RASAL2: variants seen among roughly 807,000 people sequenced by gnomAD.
The protein encoded by RASAL2 is ras GTPase-activating protein nGAP.
A neutral mutation model predicts 128.9 loss-of-function variants in RASAL2; 58 were observed. The ratio of observed to expected loss-of-function variants is 0.45; its 90% CI spans 0.36 to 0.56. RASAL2 has a LOEUF of 0.56. RASAL2 is among the 20% of genes least tolerant of loss of function. RASAL2 has a pLI of 0.00. For missense variants in RASAL2, 1,360 were observed against 1,601.6 expected (o/e 0.85, Z 2.57); for synonymous variants, 561 against 580.8 (o/e 0.97, Z 0.49).
intron 3 of RASAL2, among the ~76,000 whole-genome samples, chr1:178,355,306 A>G (rs1288673945): frequency 2.0e-5 from 3 of 152,244 alleles, no homozygotes; most frequent in Non-Finnish European, 4.4e-5. Flanking sequence ...AACAGAATAA[A>G]GAGTCCAAAA....
chr1:178,194,465 A>C, intron 1 of RASAL2: 1 of 202,634 alleles, frequency 4.9e-6, no homozygotes, highest in Non-Finnish European at 1.1e-5. Flanking sequence ...TGCCTCTGGA[A>C]GTACAGGAGA....
intron 3 of RASAL2, among the ~76,000 whole-genome samples, chr1:178,311,856 G>C (rs2102304867): frequency 6.6e-6 from 1 of 151,976 alleles, no homozygotes; most frequent in African/African-American, 2.4e-5. Flanking sequence ...AAGAAAAAAG[G>C]GAAAAAACAA....
At chr1:178,205,351 C>T (rs1470599808) in intron 1 of RASAL2, among the ~76,000 whole-genome samples, 1 of 152,118 alleles carries the variant, frequency 6.6e-6, no homozygotes, top group African/African-American at 2.4e-5. Flanking sequence ...AATTAACAGG[C>T]TATACCAGAT....
At chr1:178,344,477 A>G (rs1162327592) in intron 3 of RASAL2, among the ~76,000 whole-genome samples, 1 of 152,208 alleles carries the variant, frequency 6.6e-6, no homozygotes, top group East Asian at 1.9e-4. Context: ...AAAGTTACCC[A>G]GTTATCCACC....
At position 178,456,760 on chromosome 1, in the gene RASAL2, G is replaced by T; in HGVS notation, c.2251G>T (p.Ala751Ser). 1 of 1,614,060 alleles carries T rather than the reference G, an allele frequency of 6.2e-7. No individual in the cohort carries two copies. The highest frequency in any genetic ancestry group is 8.5e-7 in the Non-Finnish European group (1 of 1,180,000). Residue 751 changes from alanine to serine, a missense_variant, in exon 13 of 18, where the codon GCT becomes TCT. Around this residue, in one of 3 missense-constraint regions of RASAL2, gnomAD observed 741 missense variants for 868.6 expected, o/e 0.85. Transcript: ENST00000367649. The part of the protein sequence containing the change: ...AKLGPLPRVL[A>S]DITKSLTNPT... ...ATTGGGGCCTCTCCCTCGTGTTCTT[G>T]CTGATATTACCAAGTCATTGACTAA...
intron 5 of RASAL2, among the ~76,000 whole-genome samples, chr1:178,431,705 C>T (rs1411344104): frequency 1.3e-5 from 2 of 151,546 alleles, no homozygotes; most frequent in Non-Finnish European, 2.9e-5. Flanking sequence ...ATTACAGGCT[C>T]ATGTAAAGGA....
rs1284986905 is a variant in RASAL2 at position 178,260,364 on chromosome 1, ATATATATATAT to A, written c.203-23199_203-23189del. 6.7e-3 allele frequency among the ~76,000 whole-genome samples: 132 copies of A among 19,620 alleles called. 41 individuals are homozygous for A. Among genetic ancestry groups the A allele is most frequent in the African/African-American group, 0.02 (118 of 5,828 alleles). The allele number at this position is 19,620 out of a possible 152,430, so 12.9% of individuals were successfully genotyped here. Reference sequence around the variant, plus strand: ...GAGACTCGTCTCAAAAAAAAAAAAAATATATATATATATATATATATATATATATATATATA... The same window carrying A: ...GAGACTCGTCTCAAAAAAAAAAAAAAATATATATATATATATATATATATA... On this transcript the variant is annotated intron_variant, in intron 1 of 17. Transcript: ENST00000367649.
intron 1 of RASAL2, among the ~76,000 whole-genome samples, chr1:178,264,654 AG>A (rs1665864216): frequency 6.6e-6 from 1 of 152,218 alleles, no homozygotes; most frequent in African/African-American, 2.4e-5. Flanking sequence ...AAGATTTCTA[AG>A]GGCAGGTACT....
intron 1 of RASAL2, among the ~76,000 whole-genome samples, chr1:178,129,037 A>T (rs572110626): frequency 6.6e-6 from 1 of 152,262 alleles, no homozygotes; most frequent in East Asian, 1.9e-4. Flanking sequence ...TGTTTTATAT[A>T]GTATGAACAT....
intron 5 of RASAL2, among the ~76,000 whole-genome samples, chr1:178,435,342 G>A (rs531057076): frequency 6.6e-6 from 1 of 152,182 alleles, no homozygotes; most frequent in Admixed American, 6.5e-5. Context: ...ATCCAGCTGT[G>A]TTTTACTTAA....
intron 1 of RASAL2, among the ~76,000 whole-genome samples, chr1:178,151,724 G>A (rs1399529461): frequency 6.6e-6 from 1 of 152,198 alleles, no homozygotes; most frequent in Non-Finnish European, 1.5e-5. Context: ...GGTTGACTCT[G>A]TGTCAGCAAT....
chr1:178,257,421 A>ATGTGTGTGTGTGTGTG (rs1491588452), intron 1 of RASAL2, among the ~76,000 whole-genome samples: 1 of 114,578 alleles, frequency 8.7e-6, no homozygotes, highest in South Asian at 2.6e-4. Flanking sequence ...TGGCTCAGGG[A>ATGTGTGTGTGTGTGTG]TATGTGTGTG....
At chr1:178,133,094 A>G (rs1660182848) in intron 1 of RASAL2, among the ~76,000 whole-genome samples, 1 of 152,224 alleles carries the variant, frequency 6.6e-6, no homozygotes, top group Admixed American at 6.5e-5. Flanking sequence ...TGATACTTTT[A>G]GAAGAGTTTG....
chr1:178,253,436 A>T (rs1285256827), intron 1 of RASAL2, among the ~76,000 whole-genome samples: 2 of 152,208 alleles, frequency 1.3e-5, no homozygotes, highest in African/African-American at 4.8e-5. Context: ...GCTTCTAAGC[A>T]AAAGTGTCCC....
At chr1:178,114,104 T>G (rs1659440701) in intron 1 of RASAL2, among the ~76,000 whole-genome samples, 1 of 152,134 alleles carries the variant, frequency 6.6e-6, no homozygotes, top group Non-Finnish European at 1.5e-5. Context: ...TTCCATTGGC[T>G]TTTCTAAATG....
chr1:178,177,055 ATTTTC>A (rs1326929194), intron 1 of RASAL2, among the ~76,000 whole-genome samples: 2 of 152,118 alleles, frequency 1.3e-5, no homozygotes, highest in African/African-American at 4.8e-5. Flanking sequence ...TCAGCTGAAT[ATTTTC>A]TTTAGTTGTT....
At chr1:178,118,357 T>C (rs1278425569) in intron 1 of RASAL2, among the ~76,000 whole-genome samples, 2 of 152,040 alleles carry the variant, frequency 1.3e-5, no homozygotes, top group African/African-American at 4.8e-5. Flanking sequence ...TTGTAATATA[T>C]AATGAAATAA....
chr1:178,405,972 C>T lies in RASAL2; in HGVS notation c.565-14539C>T, dbSNP rs34707861. ...CAAATTTTTTGTACATCTAAAATTA[C>T]TTCATATCTAGAGGAAAAATAACTA... On this transcript the variant is annotated intron_variant, in intron 4 of 17. Transcript: ENST00000367649. Among the ~76,000 whole-genome samples, 1,391 of 152,234 alleles carry T rather than the reference C, an allele frequency of 9.1e-3. 10 individuals carry two copies. The highest frequency in any genetic ancestry group is 0.016 in the Non-Finnish European group (1,115 of 68,004).
intron 1 of RASAL2, among the ~76,000 whole-genome samples, chr1:178,142,318 G>A (rs796930656): frequency 6.6e-5 from 10 of 152,212 alleles, no homozygotes; most frequent in African/African-American, 2.4e-4. Flanking sequence ...GGAAGTTAGA[G>A]GGAAGGGACT....
Sources: allele counts gnomAD v4.1 joint callset (sites outside exome capture counted in the v4.1 genomes callset), GRCh38; gene constraint gnomAD v4.1.1; regional missense constraint gnomAD v4.1.1; transcripts MANE v1.5; gene names NCBI Gene and HGNC (gene_info 2026-07-23, HGNC 2026-07-21).